The following KCNC2 variants were observed in gnomAD, a reference collection of about 807,000 sequenced individuals.
KCNC2 encodes voltage-gated potassium channel KCNC2.
A neutral mutation model predicts 44.5 loss-of-function variants in KCNC2; 21 were observed. The observed-to-expected ratio is 0.47, with a 90% confidence interval of 0.33 to 0.68. KCNC2 has a LOEUF of 0.68. Ranked by LOEUF, KCNC2 falls within the 30% of genes least tolerant of loss-of-function variation. The pLI, the probability that KCNC2 is intolerant of heterozygous loss-of-function variation, is 0.01. For synonymous variants in KCNC2, 391 were observed against 339.1 expected (o/e 1.15, Z -1.68); for missense variants, 589 against 826.2 (o/e 0.71, Z 3.52).
intron 2 of KCNC2, among the ~76,000 whole-genome samples, chr12:75,107,669 T>A (rs1235337442): frequency 4.6e-5 from 7 of 151,686 alleles, no homozygotes; most frequent in Non-Finnish European, 1.0e-4. Flanking sequence ...ACATTTCGAG[T>A]TTAAACGTCA....
rs534455780 is a variant in KCNC2, at chr12:75,094,144, C to T, written c.688-42827G>A. Among the ~76,000 whole-genome samples the T allele has an allele frequency of 6.6e-5, 10 of 151,774 alleles. No individual in the cohort carries two copies. The South Asian group carries it at 1.2e-3, about 19-fold the overall frequency. On this transcript the variant is annotated intron_variant, in intron 2 of 4. Transcript: ENST00000549446. ...CCATTTTGGCACGTACAACTTTCTG[C>T]TTGTTAAGAGTAAAGTTAAATATGA...
At chr12:75,049,255 A>G (rs954156272) in intron 3 of KCNC2, among the ~76,000 whole-genome samples, 19 of 152,130 alleles carry the variant, frequency 1.2e-4, no homozygotes, top group African/African-American at 2.2e-4. Flanking sequence ...CTAGAAGCTA[A>G]GGAGGGACCT....
At chr12:75,184,066 A>G (rs1892774425) in intron 2 of KCNC2, among the ~76,000 whole-genome samples, 1 of 152,262 alleles carries the variant, frequency 6.6e-6, no homozygotes, top group East Asian at 1.9e-4. Context: ...AAGAATCTCT[A>G]TAAACTTCAC....
chr12:75,207,886 C>G lies in KCNC2; in HGVS notation c.98G>C (p.Arg33Pro). The change falls in exon 2 of 5, where the codon CGC becomes CCC. Residue 33 changes from arginine (R) to proline (P), a missense_variant. Coordinates refer to ENST00000549446, the MANE Select transcript of KCNC2 (RefSeq NM_139137.4). The surrounding 1 kb of genome is among the most constrained non-coding windows in gnomAD (Gnocchi z 4.1). ...CTCGGAGGAGGCAAGAAGGGCCAGG[C>G]GTGTTCCAGGCAGGGTCTTGAGGGT... Reference protein sequence around the residue: ...RSTLKTLPGTRLALLASSEPP... With the variant: ...RSTLKTLPGTPLALLASSEPP... 6.2e-7 allele frequency: 1 copy of G among 1,612,608 alleles called. No homozygotes were observed. The highest frequency in any genetic ancestry group is 8.5e-7 in the Non-Finnish European group (1 of 1,179,858).
chr12:75,187,520 A>G (rs995349475), intron 2 of KCNC2, among the ~76,000 whole-genome samples: 4 of 152,160 alleles, frequency 2.6e-5, no homozygotes, highest in African/African-American at 4.8e-5. Context: ...CACTTACTGA[A>G]TTATGCGGAG....
At chr12:75,102,842 C>T (rs1206149585) in intron 2 of KCNC2, among the ~76,000 whole-genome samples, 4 of 151,974 alleles carry the variant, frequency 2.6e-5, no homozygotes, top group Non-Finnish European at 5.9e-5. Context: ...AATAATAGAG[C>T]TTTTAACAGG....
chr12:75,059,908 A>G (rs1220642459), intron 2 of KCNC2, among the ~76,000 whole-genome samples: 4 of 152,124 alleles, frequency 2.6e-5, no homozygotes, highest in Non-Finnish European at 4.4e-5. Context: ...TGGTAATCTC[A>G]TCTACTTCCA....
At chr12:75,086,681 A>AATATATATATATATATATATATAT (rs398044519) in intron 2 of KCNC2, among the ~76,000 whole-genome samples, 19 of 54,178 alleles carry the variant, frequency 3.5e-4, no homozygotes, top group East Asian at 2.7e-3. Context: ...AAAAAAAAAA[A>AATATATATATATATATATATATAT]ATATATATAT....
chr12:75,043,510 T>G (rs1426025771), intron 4 of KCNC2: 15 of 1,254,790 alleles, frequency 1.2e-5, no homozygotes, highest in African/African-American at 1.5e-5. Flanking sequence ...TTAATATAAT[T>G]TTGGCATATA....
intron 2 of KCNC2, among the ~76,000 whole-genome samples, chr12:75,093,405 G>T (rs61133189): frequency 0.077 from 11,713 of 151,434 alleles, 1,526 homozygotes; most frequent in African/African-American, 0.27. Context: ...AGAAGCTAGA[G>T]GTCCTGCAAA....
At chr12:75,171,294 C>T (rs1480639674) in intron 2 of KCNC2, among the ~76,000 whole-genome samples, 2 of 151,766 alleles carry the variant, frequency 1.3e-5, no homozygotes, top group Non-Finnish European at 2.9e-5. Context: ...CCATTGACAG[C>T]CCTCAACCAT....
At chr12:75,103,598 C>A (rs1442885525) in intron 2 of KCNC2, among the ~76,000 whole-genome samples, 1 of 152,108 alleles carries the variant, frequency 6.6e-6, no homozygotes, top group African/African-American at 2.4e-5. Flanking sequence ...AGTAGGAGAC[C>A]TGGGGCTACA....
intron 2 of KCNC2, among the ~76,000 whole-genome samples, chr12:75,107,321 T>C (rs7297611): frequency 0.016 from 2,372 of 151,926 alleles, 65 homozygotes; most frequent in African/African-American, 0.052. Flanking sequence ...TAAATAATAA[T>C]GGCAATAATA....
chr12:75,119,565 G>A (rs548213525), intron 2 of KCNC2, among the ~76,000 whole-genome samples: 2 of 152,264 alleles, frequency 1.3e-5, no homozygotes, highest in Admixed American at 6.5e-5. Flanking sequence ...GCCAGAATTT[G>A]AAACCAGTTC....
chr12:75,182,533 A>C (rs1488375366), intron 2 of KCNC2, among the ~76,000 whole-genome samples: 3,465 of 136,396 alleles, frequency 0.025, 89 homozygotes, highest in African/African-American at 0.087. Context: ...AAAAAAAAAA[A>C]AAAACAAAAA....
intron 2 of KCNC2, among the ~76,000 whole-genome samples, chr12:75,147,214 CAAA>C (rs1229962228): frequency 6.6e-6 from 1 of 151,948 alleles, no homozygotes; most frequent in Admixed American, 6.6e-5. Flanking sequence ...TAGAGATAAA[CAAA>C]ATGTGTGCAA....
At chr12:75,197,914 C>T (rs1002121948) in intron 2 of KCNC2, among the ~76,000 whole-genome samples, 4 of 151,348 alleles carry the variant, frequency 2.6e-5, no homozygotes, top group Admixed American at 6.6e-5. Flanking sequence ...GATAAATCAG[C>T]GATGAATTGA....
At chr12:75,130,293 T>C (rs2137335811) in intron 2 of KCNC2, among the ~76,000 whole-genome samples, 1 of 152,298 alleles carries the variant, frequency 6.6e-6, no homozygotes, top group South Asian at 2.1e-4. Flanking sequence ...CTCCTCTATG[T>C]TTCTTTCATA....
chr12:75,172,482 A>C (rs1351531546), intron 2 of KCNC2, among the ~76,000 whole-genome samples: 2 of 151,750 alleles, frequency 1.3e-5, no homozygotes, highest in African/African-American at 2.4e-5. Context: ...CCCTCAACTT[A>C]AAAGTTGAAG....
Sources: gnomAD v4.1 joint callset for allele counts (sites outside exome capture counted in the v4.1 genomes callset) on GRCh38, gnomAD v4.1.1 for gene constraint, Gnocchi (gnomAD v3.1) non-coding constraint, MANE v1.5 for transcripts, NCBI Gene and HGNC (gene_info 2026-07-23, HGNC 2026-07-21) for gene names.